The following FAM25A variants were observed in gnomAD, a reference collection of about 807,000 sequenced individuals.
FAM25A encodes the protein protein FAM25A.
A neutral mutation model predicts 6.6 loss-of-function variants in FAM25A; 5 were observed. The observed-to-expected ratio is 0.75, with a 90% CI of 0.39 to 1.59. FAM25A has a LOEUF of 1.59. Among genes scored for constraint, FAM25A ranks in the 40% most tolerant of loss-of-function variants. The pLI is 0.02. For synonymous variants in FAM25A, 36 were observed against 41.3 expected (o/e 0.87, Z 0.49); for missense variants, 93 against 109.7 (o/e 0.85, Z 0.68).
rs1255972536 is a variant in FAM25A at position 87,022,308 on chromosome 10, G to A, written c.74-6G>A. On this transcript the variant is annotated splice_polypyrimidine_tract_variant and splice_region_variant and intron_variant, in intron 1 of 2. Coordinates refer to ENST00000343959, the MANE Select transcript of FAM25A (RefSeq NM_001146157.3). ...CCCTCACCCTGGACTTGTCTCCTCT[G>A]TTCAGTTCATGCCGTGGAAGAAGTG... 1 of 1,548,906 alleles carries A rather than the reference G, an allele frequency of 6.5e-7. No individual in the cohort carries two copies. Among genetic ancestry groups the A allele is most frequent in the Non-Finnish European group, 8.7e-7 (1 of 1,146,656 alleles).
rs61857037 is a variant in FAM25A at position 87,022,354 on chromosome 10, C to G, written c.114C>G (p.His38Gln). The change falls in exon 2 of 3, where the codon CAC becomes CAG. Residue 38 changes from histidine to glutamine, a missense_variant. Physicochemically the swap from His to Gln is conservative, Grantham distance 24. Transcript: ENST00000343959. ...AAGTGGTGAAGGAGGTGGTGGGACACGCCAAGGAGACTGGAGAGAAAGGTA... is the reference window on the plus strand; with the variant it reads ...AAGTGGTGAAGGAGGTGGTGGGACAGGCCAAGGAGACTGGAGAGAAAGGTA... The part of the protein sequence containing the change: ...VEEVVKEVVG[H>Q]AKETGEKAIA... 31 of 1,548,322 alleles carry G rather than the reference C, an allele frequency of 2.0e-5. No homozygotes were observed. In the Admixed American group the frequency reaches 5.1e-4, roughly 25 times the overall value.
intron 1 of FAM25A, among the ~76,000 whole-genome samples, chr10:87,021,760 A>T (rs1038190379): frequency 6.6e-6 from 1 of 152,266 alleles, no homozygotes; most frequent in African/African-American, 2.4e-5. Flanking sequence ...GAAATCCTTC[A>T]GTTCTAGCAT....
intron 2 of FAM25A, among the ~76,000 whole-genome samples, chr10:87,023,148 A>C (rs995531094): frequency 2.8e-5 from 4 of 145,056 alleles, no homozygotes; most frequent in African/African-American, 1.0e-4. Flanking sequence ...GTGAACCCGG[A>C]AGGCGGAGCT....
Position 87,020,473 on chromosome 10 carries a change from G to A in FAM25A, c.73+76G>A, listed in dbSNP as rs571911036. The stretch of plus-strand genomic sequence containing the variant: ...CTGGGTCTGTGGGAGGCGGATCTAA[G>A]TAGGCAGGTGAGGACCTGGGAGGAG... On this transcript the variant is annotated intron_variant, in intron 1 of 2. Transcript: ENST00000343959. 109 of 1,523,056 alleles carry A rather than the reference G, an allele frequency of 7.2e-5. 1 individual carries two copies. The South Asian group carries it at 1.1e-3, about 15-fold the overall frequency. 94.3% of individuals were successfully genotyped at this position (1,523,056 alleles called of 1,614,324 possible).
intron 2 of FAM25A, among the ~76,000 whole-genome samples, chr10:87,023,568 A>T (rs1002019008): frequency 2.0e-5 from 3 of 152,170 alleles, no homozygotes; most frequent in African/African-American, 7.2e-5. Context: ...TAAAAATACG[A>T]AAACCAGCTG....
rs769627836 is a variant in FAM25A, at chr10:87,024,536, A to G, written c.137-5A>G. On this transcript the variant is annotated splice_region_variant and splice_polypyrimidine_tract_variant and intron_variant, in intron 2 of 2. Coordinates refer to ENST00000343959, the MANE Select transcript of FAM25A (RefSeq NM_001146157.3). ...TAGGACATTCTTCCTCTTTCTTTCC[A>G]ACAGCCATTGCTGAAGCCATAAAGA... 42 of 1,535,694 alleles carry G rather than the reference A, an allele frequency of 2.7e-5. 1 individual carries two copies. The South Asian group carries it at 4.9e-4, about 18-fold the overall frequency.
chr10:87,022,409 G>A (rs1373763593), intron 2 of FAM25A, 33 bp downstream of exon 2: 13 of 1,544,370 alleles, frequency 8.4e-6, no homozygotes, highest in Non-Finnish European at 1.0e-5. Flanking sequence ...AGGGAAGGAG[G>A]GAGGGAGCAA....
Position 87,024,625 on chromosome 10 carries a change from C to T in FAM25A, c.221C>T (p.Thr74Ile), listed in dbSNP as rs1845361057. Residue 74 changes from threonine to isoleucine, a missense_variant, in exon 3 of 3, where the codon ACA (threonine) becomes ATA (isoleucine). By Grantham distance (89) the Thr-to-Ile change is moderately conservative (BLOSUM62 -1). Transcript: ENST00000343959. ...ACTGAGACAGTGACCAACACAGTCA[C>T]AAATGCCATCACCCATGCAGCAGAG... ...EITETVTNTV[T>I]NAITHAAESL... 8 of 1,535,810 alleles carry T rather than the reference C, an allele frequency of 5.2e-6. No homozygotes were observed. The highest frequency in any genetic ancestry group is 3.9e-5 in the Admixed American group (2 of 51,000).
chr10:87,024,437 C>A, intron 2 of FAM25A, 104 bp from the exon 3 acceptor site: 2 of 1,523,350 alleles, frequency 1.3e-6, no homozygotes. Context: ...TCGGGCCACT[C>A]CAGAGACTAA....
chr10:87,022,921 G>A (rs181188633), intron 2 of FAM25A, among the ~76,000 whole-genome samples: 2,509 of 104,506 alleles, frequency 0.024, 79 homozygotes, highest in African/African-American at 0.082. Flanking sequence ...AGTGAGACTC[G>A]GTCTCAAAAA....
At chr10:87,022,160 C>T (rs1300876108) in intron 1 of FAM25A, among the ~76,000 whole-genome samples, 154 bp from the exon 2 acceptor site, 1 of 152,044 alleles carries the variant, frequency 6.6e-6, no homozygotes, top group Non-Finnish European at 1.5e-5. Flanking sequence ...TCTAGGATGT[C>T]CAGGGATGTA....
At chr10:87,022,513 A>G (rs1053441453) in intron 2 of FAM25A, 137 bp downstream of exon 2, 13 of 1,004,354 alleles carry the variant, frequency 1.3e-5, no homozygotes, top group Non-Finnish European at 2.0e-5. Context: ...TGGCTGGGGC[A>G]GTTATCTATG....
chr10:87,024,032 T>A (rs2133757461), intron 2 of FAM25A, among the ~76,000 whole-genome samples: 2 of 151,930 alleles, frequency 1.3e-5, no homozygotes, highest in Middle Eastern at 6.8e-3. Context: ...TTAGACATAG[T>A]AATAACATAA....
Position 87,022,350 on chromosome 10 carries a change from G to A in FAM25A, c.110G>A (p.Gly37Glu). ...GAAGAAGTGGTGAAGGAGGTGGTGG[G>A]ACACGCCAAGGAGACTGGAGAGAAA... ...AVEEVVKEVVGHAKETGEKAI... is the reference protein window; with the variant it reads ...AVEEVVKEVVEHAKETGEKAI... The change falls in exon 2 of 3, where the codon GGA becomes GAA. Residue 37 changes from glycine to glutamate, a missense_variant. Physicochemically the swap from Gly to Glu is moderately conservative, Grantham distance 98 (BLOSUM62 -2). Coordinates refer to ENST00000343959, the MANE Select transcript of FAM25A (RefSeq NM_001146157.3). The A allele has an allele frequency of 6.5e-7, 1 of 1,548,826 alleles. No individual in the cohort carries two copies. The highest frequency in any genetic ancestry group is 8.7e-7 in the Non-Finnish European group (1 of 1,146,686).
chr10:87,021,035 C>T (rs1845325384), intron 1 of FAM25A, among the ~76,000 whole-genome samples: 1 of 152,164 alleles, frequency 6.6e-6, no homozygotes, highest in Non-Finnish European at 1.5e-5. Context: ...GCCATGTTGG[C>T]CAGGCTGGTC....
intron 2 of FAM25A, 42 bp from the exon 3 acceptor site, chr10:87,024,499 C>G: frequency 6.5e-7 from 1 of 1,535,804 alleles, no homozygotes; most frequent in Non-Finnish European, 8.7e-7. Context: ...ACAAGTTCAG[C>G]GGGTGGATCA....
At chr10:87,022,271 C>T in intron 1 of FAM25A, 43 bp from the exon 2 acceptor site, 3 of 1,547,118 alleles carry the variant, frequency 1.9e-6, no homozygotes, top group Non-Finnish European at 1.7e-6. Flanking sequence ...AGGGCAGCGG[C>T]TCTGCTCTGA....
chr10:87,021,170 G>A (rs1387814184), intron 1 of FAM25A, among the ~76,000 whole-genome samples: 1 of 152,206 alleles, frequency 6.6e-6, no homozygotes, highest in Non-Finnish European at 1.5e-5. Context: ...CTATGTGTGG[G>A]GAGGCCCAGC....
At chr10:87,023,914 T>C (rs1845354652) in intron 2 of FAM25A, among the ~76,000 whole-genome samples, 1 of 152,148 alleles carries the variant, frequency 6.6e-6, no homozygotes, top group African/African-American at 2.4e-5. Context: ...TGGTCTCTTT[T>C]ATGTGGGTGC....
Sources: gnomAD v4.1 joint callset for allele counts (sites outside exome capture counted in the v4.1 genomes callset) on GRCh38, gnomAD v4.1.1 for gene constraint, MANE v1.5 for transcripts, NCBI Gene and HGNC (gene_info 2026-07-23, HGNC 2026-07-21) for gene names.